Variants in MZF1 observed in about 807,000 individuals in gnomAD.
MZF1 encodes the protein myeloid zinc finger 1, also known as zinc finger and SCAN domain-containing protein 6.
MZF1 carries 24 observed loss-of-function variants against 28.6 expected under a neutral mutation model. The observed-to-expected ratio is 0.84, with a 90% CI of 0.61 to 1.18. The LOEUF (loss-of-function observed/expected upper bound fraction) is 1.18, where lower values mean the gene tolerates loss of function less well. Among genes scored for constraint, MZF1 ranks in the 50% most tolerant of loss-of-function variants. The pLI, the probability that MZF1 is intolerant of heterozygous loss-of-function variation, is 0.00. For synonymous variants in MZF1, 516 were observed against 432.5 expected (o/e 1.19, Z -2.40); for missense variants, 1,166 against 1,026.4 (o/e 1.14, Z -1.86).
intron 5 of MZF1, among the ~76,000 whole-genome samples, chr19:58,566,905 C>CTT (rs11403633): frequency 0.015 from 2,237 of 145,584 alleles, 103 homozygotes; most frequent in Admixed American, 0.089. Context: ...TCCCAAGACT[C>CTT]TTTTTTTTTT....
rs145681810 is a variant in MZF1, at chr19:58,567,128, G to C, written c.772+2149C>G. The stretch of plus-strand genomic sequence containing the variant: ...TTGCCATGTTGCCCAGGATGGTCTC[G>C]AACTCTTGGACTCAAACAATCCACC... On this transcript the variant is annotated intron_variant, in intron 5 of 5. Coordinates refer to ENST00000215057, the MANE Select transcript of MZF1 (RefSeq NM_198055.2). Among the ~76,000 whole-genome samples the C allele has an allele frequency of 8.0e-4, 122 of 152,258 alleles. 1 individual carries two copies. The East Asian group carries it at 0.021, about 26-fold the overall frequency.
In MZF1 at chr19:58,562,439, G is replaced by C. The variant is rs747576578; in HGVS notation, c.1838C>G (p.Thr613Arg). Residue 613 changes from threonine (T) to arginine (R), a missense_variant, in exon 6 of 6, where the codon ACG becomes AGG. Coordinates refer to ENST00000215057, the MANE Select transcript of MZF1 (RefSeq NM_198055.2). ...GCCGGTGTGTGTCCTCTGATGACGC[G>C]TGAGCTTGAGGCGCTGGCTGAAGCG... ...GQRFSQRLKL[T>R]RHQRTHTGEK... is the part of the protein sequence containing the mutation. 4 of 1,611,302 alleles carry C rather than the reference G, an allele frequency of 2.5e-6. 1 individual carries two copies. The South Asian group carries it at 4.4e-5, about 18-fold the overall frequency.
At position 58,563,453 on chromosome 19, in the gene MZF1, G is replaced by A; in HGVS notation, c.824C>T (p.Pro275Leu). Reference protein sequence around the residue: ...SISAGPGSVSPHLHVPWDLGM... With the variant: ...SISAGPGSVSLHLHVPWDLGM... ...GAGGTCCCAGGGGACGTGGAGGTGA[G>A]GGCTTACACTACCTGGACCTGCGGA... Residue 275 changes from proline to leucine, a missense_variant, in exon 6 of 6, where the codon CCT (proline) becomes CTT (leucine). Pro to Leu is a moderately conservative substitution (Grantham distance 98). Transcript: ENST00000215057. The A allele has an allele frequency of 1.3e-6, 2 of 1,580,852 alleles. No individual in the cohort carries two copies.
chr19:58,563,315 T>A lies in MZF1; in HGVS notation c.962A>T (p.Asp321Val), dbSNP rs1600097570. ...AGCAGGGCCCACACCCCGGCAGGGATCCTCGTCCGTGGGGTCCTGTTCACT... is the reference window on the plus strand; with the variant it reads ...AGCAGGGCCCACACCCCGGCAGGGAACCTCGTCCGTGGGGTCCTGTTCACT... ...LRSEQDPTDE[D>V]PCRGVGPALI... The change falls in exon 6 of 6, where the codon GAT becomes GTT. Residue 321 changes from aspartate to valine, a missense_variant. By Grantham distance (152) the Asp-to-Val change is radical (BLOSUM62 -3). Coordinates refer to ENST00000215057, the MANE Select transcript of MZF1 (RefSeq NM_198055.2). The A allele has an allele frequency of 1.2e-6, 2 of 1,609,050 alleles. No homozygotes were observed. The highest frequency in any genetic ancestry group is 2.2e-5 in the East Asian group (1 of 44,726).
intron 3 of MZF1, 44 bp downstream of exon 3, chr19:58,570,300 C>T: frequency 1.3e-6 from 2 of 1,541,814 alleles, no homozygotes; most frequent in South Asian, 1.2e-5. Flanking sequence ...GTTCCCTGGC[C>T]CACCCAACCA....
intron 5 of MZF1, 138 bp from the exon 6 acceptor site, chr19:58,563,642 T>G (rs1412519835): frequency 1.5e-6 from 1 of 658,742 alleles, no homozygotes; most frequent in African/African-American, 1.8e-5. Context: ...AATGCAGGGG[T>G]AGGGATTCTA....
rs780923513 is a variant in MZF1, at chr19:58,563,421, C to A, written c.856G>T (p.Ala286Ser). The change falls in exon 6 of 6, where the codon GCT becomes TCT. Residue 286 changes from alanine (A) to serine (S), a missense_variant. By Grantham distance (99) the Ala-to-Ser change is moderately conservative. Coordinates refer to ENST00000215057, the MANE Select transcript of MZF1 (RefSeq NM_198055.2). Reference sequence around the variant, plus strand: ...GATTGGATCTGGCCAGAAAGGCCAGCCATGCCGAGGTCCCAGGGGACGTGG... The same window carrying A: ...GATTGGATCTGGCCAGAAAGGCCAGACATGCCGAGGTCCCAGGGGACGTGG... Reference protein sequence around the residue: ...HLHVPWDLGMAGLSGQIQSPS... With the variant: ...HLHVPWDLGMSGLSGQIQSPS... 5.0e-6 allele frequency: 8 copies of A among 1,592,598 alleles called. No individual in the cohort carries two copies. The highest frequency in any genetic ancestry group is 6.0e-6 in the Non-Finnish European group (7 of 1,169,554).
chr19:58,562,624 C>T lies in MZF1; in HGVS notation c.1653G>A (p.Arg551=), dbSNP rs1329146298. ...GGTGCTGCGTCAGGTTGGAGCGCTG[C>T]CGGAAGCTCTGGCCGCACTCGGCAC... The part of the protein sequence containing the change: ...FACAECGQSF[R]QRSNLTQHRR... The change falls in exon 6 of 6, where the codon CGG becomes CGA. Residue 551 remains arginine, a synonymous_variant. Transcript: ENST00000215057. The T allele has an allele frequency of 1.9e-5, 30 of 1,567,700 alleles. No homozygotes were observed. The highest frequency in any genetic ancestry group is 2.4e-5 in the Non-Finnish European group (28 of 1,162,204).
intron 5 of MZF1, among the ~76,000 whole-genome samples, chr19:58,566,228 C>G (rs1200122266): frequency 2.0e-5 from 3 of 151,470 alleles, no homozygotes; most frequent in Admixed American, 2.0e-4. Context: ...GGGCGGATCA[C>G]CTGAGGTCGG....
Position 58,562,933 on chromosome 19 carries a change from G to C in MZF1, c.1344C>G (p.Ser448Arg). 2 of 1,597,122 alleles carry C rather than the reference G, an allele frequency of 1.3e-6. No homozygotes were observed. The highest frequency in any genetic ancestry group is 1.7e-6 in the Non-Finnish European group (2 of 1,176,904). Residue 448 changes from serine (S) to arginine (R), a missense_variant, in exon 6 of 6, where the codon AGC becomes AGG. By Grantham distance (110) the Ser-to-Arg change is moderately radical. Coordinates refer to ENST00000215057, the MANE Select transcript of MZF1 (RefSeq NM_198055.2). ...QPFRCAECGQ[S>R]FRQRSNLLQH... Reference sequence around the variant, plus strand: ...GCAGCAGATTGGAGCGCTGCCGGAAGCTCTGGCCGCACTCAGCGCAACGGA... The same window carrying C: ...GCAGCAGATTGGAGCGCTGCCGGAACCTCTGGCCGCACTCAGCGCAACGGA...
chr19:58,572,419 T>TG (rs1001177453), intron 1 of MZF1: 65 of 568,624 alleles, frequency 1.1e-4, no homozygotes, highest in African/African-American at 1.8e-4. Flanking sequence ...TCGCAATGGG[T>TG]GGGGGGGCGG....
Position 58,562,156 on chromosome 19 carries a change from C to T in MZF1, c.2121G>A (p.Lys707=), listed in dbSNP as rs966694978. Residue 707 remains lysine, a synonymous_variant, in exon 6 of 6, where the codon AAG becomes AAA. Transcript: ENST00000215057. ...GGCCACAGTCCTGGCAGGCGAAGGG[C>T]TTCTCTCGTCGGTGGGTGCGCAGAT... ...TQHLRTHRRE[K]PFACQDCGRR... 5.0e-6 allele frequency: 8 copies of T among 1,592,768 alleles called. No individual in the cohort carries two copies. The highest frequency in any genetic ancestry group is 2.3e-5 in the East Asian group (1 of 43,720).
chr19:58,565,384 G>C (rs182421668), intron 5 of MZF1, among the ~76,000 whole-genome samples: 1 of 146,172 alleles, frequency 6.8e-6, no homozygotes, highest in Non-Finnish European at 1.5e-5. Flanking sequence ...GTGAGCCACC[G>C]CACCTAGCCA....
At chr19:58,567,555 G>A (rs1016118717) in intron 5 of MZF1, among the ~76,000 whole-genome samples, 4 of 152,222 alleles carry the variant, frequency 2.6e-5, no homozygotes, top group South Asian at 4.1e-4. Flanking sequence ...GGATTCAGAC[G>A]ATGGAACGAA....
In MZF1 at chr19:58,562,382, A is replaced by C; in HGVS notation, c.1895T>G (p.Leu632Arg). ...EKPYHCGECGLGFTQVSRLTE... is the reference protein window; with the variant it reads ...EKPYHCGECGRGFTQVSRLTE... ...GAGCCGCGAGACCTGCGTGAAGCCC[A>C]GGCCGCACTCACCGCAGTGGTAGGG... is the stretch of plus-strand genomic sequence containing the variant. Residue 632 changes from leucine (L) to arginine (R), a missense_variant, in exon 6 of 6, where the codon CTG becomes CGG. Leu to Arg is a moderately radical substitution (Grantham distance 102). Coordinates refer to ENST00000215057, the MANE Select transcript of MZF1 (RefSeq NM_198055.2). The C allele has an allele frequency of 3.7e-6, 6 of 1,603,550 alleles. No homozygotes were observed. Among genetic ancestry groups the C allele is most frequent in the Non-Finnish European group, 5.1e-6 (6 of 1,176,844 alleles).
At position 58,563,034 on chromosome 19, in the gene MZF1, C is replaced by G; in HGVS notation, c.1243G>C (p.Gly415Arg). ...THTEERPFVCGDCGQGFVRSA... is the reference protein window; with the variant it reads ...THTEERPFVCRDCGQGFVRSA... The stretch of plus-strand genomic sequence containing the variant: ...CGCACGAAGCCCTGGCCACAGTCGC[C>G]GCACACGAACGGCCGCTCCTCGGTG... The change falls in exon 6 of 6, where the codon GGC becomes CGC. Residue 415 changes from glycine to arginine, a missense_variant. Physicochemically the swap from Gly to Arg is moderately radical, Grantham distance 125 (BLOSUM62 -2). Coordinates refer to ENST00000215057, the MANE Select transcript of MZF1 (RefSeq NM_198055.2). The G allele has an allele frequency of 4.4e-6, 7 of 1,602,072 alleles. No homozygotes were observed. The highest frequency in any genetic ancestry group is 5.9e-6 in the Non-Finnish European group (7 of 1,179,626).
At chr19:58,568,029 G>A (rs941793581) in intron 5 of MZF1, 3 of 152,062 alleles carry the variant, frequency 2.0e-5, no homozygotes, top group Non-Finnish European at 4.4e-5. Context: ...TTGAAGCCAG[G>A]AATTTAAGAC....
intron 5 of MZF1, among the ~76,000 whole-genome samples, chr19:58,565,868 C>T (rs1429151889): frequency 2.1e-4 from 30 of 144,130 alleles, no homozygotes; most frequent in Admixed American, 1.2e-3. Flanking sequence ...GGGCTGGGCA[C>T]GGTGGCTCAC....
intron 5 of MZF1, chr19:58,564,460 G>A (rs948928547): frequency 1.1e-3 from 161 of 152,154 alleles, no homozygotes; most frequent in African/African-American, 3.7e-3. Flanking sequence ...AGACACATGG[G>A]CAAAGGATGT....
Sources: allele counts gnomAD v4.1 joint callset (sites outside exome capture counted in the v4.1 genomes callset), GRCh38; gene constraint gnomAD v4.1.1; transcripts MANE v1.5; gene names NCBI Gene and HGNC (gene_info 2026-07-23, HGNC 2026-07-21).